RBL2: variants seen among roughly 807,000 people sequenced by gnomAD.
The protein encoded by RBL2 is retinoblastoma-like protein 2.
A neutral mutation model predicts 126.0 loss-of-function variants in RBL2; 56 were observed. The ratio of observed to expected loss-of-function variants is 0.44; its 90% CI spans 0.36 to 0.56. RBL2 has a LOEUF of 0.56. Among genes scored for constraint, RBL2 ranks in the 20% least tolerant of loss-of-function variants. The pLI is 0.00. For missense variants in RBL2, 1,229 were observed against 1,398.2 expected, an observed-to-expected ratio of 0.88 and a Z score of 1.93; for synonymous variants, 454 against 478.5, an observed-to-expected ratio of 0.95 and a Z score of 0.67.
rs16952254 is a variant in RBL2 at position 53,451,888 on chromosome 16, C to T, written c.766+57C>T. ...TCTGCGTTTCTGTGTTATGTTTACC[C>T]TTGGAGTTGTACAGGTTTCCTAGCA... is the stretch of plus-strand genomic sequence containing the variant. On this transcript the variant is annotated intron_variant, in intron 5 of 21. Transcript: ENST00000262133. The T allele has an allele frequency of 1.6e-3, 2,564 of 1,581,238 alleles. 34 individuals are homozygous for T. In the African/African-American group the frequency reaches 0.029, roughly 18 times the overall value.
intron 3 of RBL2, among the ~76,000 whole-genome samples, chr16:53,446,621 A>G (rs1219031566): frequency 2.0e-5 from 3 of 152,196 alleles, no homozygotes; most frequent in Non-Finnish European, 4.4e-5. Context: ...GTGATTTGAT[A>G]TAGTCTGGAA....
intron 21 of RBL2, among the ~76,000 whole-genome samples, chr16:53,485,400 C>T (rs1412589431): frequency 1.3e-5 from 2 of 152,002 alleles, no homozygotes; most frequent in Non-Finnish European, 2.9e-5. Flanking sequence ...TGGGATGTAG[C>T]TAAAACAGTG....
intron 1 of RBL2, among the ~76,000 whole-genome samples, chr16:53,435,390 A>C (rs563513409): frequency 1.3e-5 from 2 of 152,250 alleles, no homozygotes; most frequent in Non-Finnish European, 2.9e-5. Flanking sequence ...GGATGTAGAC[A>C]CATGCCCCCA....
In RBL2 at chr16:53,439,150, A is replaced by C; in HGVS notation, c.371+4A>C. 1.3e-6 allele frequency: 2 copies of C among 1,580,684 alleles called. No homozygotes were observed. Among genetic ancestry groups the C allele is most frequent in the Non-Finnish European group, 1.7e-6 (2 of 1,166,152 alleles). On this transcript the variant is annotated splice_donor_region_variant and intron_variant, in intron 2 of 21. Coordinates refer to ENST00000262133, the MANE Select transcript of RBL2 (RefSeq NM_005611.4). The stretch of plus-strand genomic sequence containing the variant: ...TCCTGAAATGTTCAGAGCAGAGGTA[A>C]CTATGTTAGAGTTTGACAAGTAGAG...
intron 8 of RBL2, among the ~76,000 whole-genome samples, chr16:53,459,111 T>A (rs2150801779): frequency 6.6e-6 from 1 of 152,338 alleles, no homozygotes; most frequent in African/African-American, 2.4e-5. Context: ...GTGAGCAGAA[T>A]GCTTATCTTT....
chr16:53,465,024 A>T (rs1199830311), intron 12 of RBL2: 1 of 153,252 alleles, frequency 6.5e-6, no homozygotes, highest in African/African-American at 2.4e-5. Context: ...CGATCTCCTG[A>T]CCTCGTGATC....
chr16:53,459,511 C>T lies in RBL2; in HGVS notation c.1240C>T (p.Pro414Ser), dbSNP rs751380870. The change falls in exon 9 of 22, where the codon CCT becomes TCT. Residue 414 changes from proline (P) to serine (S), a missense_variant. Around this residue, in one of 2 missense-constraint regions of RBL2, gnomAD observed 1,070 missense variants for 1,274.3 expected, o/e 0.84. Coordinates refer to ENST00000262133, the MANE Select transcript of RBL2 (RefSeq NM_005611.4). ...TGTTAGGTACATTAAGGAGAATAGC[C>T]CTTGTGTGACTCCAGTTTCTACAGC... ...TGVRYIKENS[P>S]CVTPVSTATH... is the part of the protein sequence containing the mutation. 6.2e-7 allele frequency: 1 copy of T among 1,613,124 alleles called. No homozygotes were observed. Among genetic ancestry groups the T allele is most frequent in the Non-Finnish European group, 8.5e-7 (1 of 1,179,606 alleles).
chr16:53,434,744 G>T lies in RBL2; in HGVS notation c.188G>T (p.Arg63Leu). Residue 63 changes from arginine to leucine, a missense_variant, in exon 1 of 22, where the codon CGG becomes CTG. This residue lies in a region of RBL2 where 159 missense variants were observed against 123.9 expected (regional missense o/e 1.28). Coordinates refer to ENST00000262133, the MANE Select transcript of RBL2 (RefSeq NM_005611.4). ...CSRLNMDEAA[R>L]AEAWDSYRSM... Reference sequence around the variant, plus strand: ...CGCCTCAACATGGACGAGGCGGCGCGGGCCGAGGCCTGGGACAGCTACCGC... The same window carrying T: ...CGCCTCAACATGGACGAGGCGGCGCTGGCCGAGGCCTGGGACAGCTACCGC... 1.3e-6 allele frequency: 2 copies of T among 1,545,178 alleles called. No individual in the cohort carries two copies. The highest frequency in any genetic ancestry group is 1.4e-5 in the African/African-American group (1 of 72,928).
intron 14 of RBL2, among the ~76,000 whole-genome samples, chr16:53,469,367 G>T (rs1255450689): frequency 6.6e-6 from 1 of 152,116 alleles, no homozygotes; most frequent in African/African-American, 2.4e-5. Flanking sequence ...TGTCCACCTT[G>T]CTTAAGAACA....
intron 16 of RBL2, 23 bp downstream of exon 16, chr16:53,470,686 A>G (rs372818831): frequency 1.9e-5 from 30 of 1,612,876 alleles, no homozygotes; most frequent in South Asian, 1.4e-4. Context: ...ATACCTTATC[A>G]GAGCATGAGC....
rs747295071 is a variant in RBL2, at chr16:53,434,528, C to T, written c.-29C>T. The stretch of plus-strand genomic sequence containing the variant: ...GCTGCGGGCCCGGGCCCTCACCTCA[C>T]CTGAGGTCCGGCCGCCCAGGGGTGC... On this transcript the variant is annotated 5_prime_UTR_variant, in exon 1 of 22. Transcript: ENST00000262133. The T allele has an allele frequency of 3.5e-6, 5 of 1,426,580 alleles. No homozygotes were observed. The highest frequency in any genetic ancestry group is 2.7e-5 in the Admixed American group (1 of 36,440). The allele number at this position is 1,426,580 out of a possible 1,614,324, so 88.4% of individuals were successfully genotyped here.
At chr16:53,469,843 A>C in intron 14 of RBL2, 73 bp from the exon 15 acceptor site, 55 of 1,443,244 alleles carry the variant, frequency 3.8e-5, no homozygotes, top group Non-Finnish European at 5.1e-5. Context: ...ATTTTTTAAC[A>C]TAAGAGCTTG....
intron 4 of RBL2, among the ~76,000 whole-genome samples, chr16:53,451,317 G>A (rs1246787406): frequency 2.0e-5 from 3 of 152,098 alleles, no homozygotes; most frequent in African/African-American, 7.2e-5. Context: ...ACCAGCCTGG[G>A]CAACATAGCA....
At chr16:53,471,056 G>A in intron 17 of RBL2, 134 bp downstream of exon 17, 1 of 884,464 alleles carries the variant, frequency 1.1e-6, no homozygotes, top group Admixed American at 2.9e-5. Flanking sequence ...ATGGGTCTTA[G>A]TATATTCACA....
At chr16:53,478,196 A>G (rs1333031764) in intron 17 of RBL2, among the ~76,000 whole-genome samples, 1 of 152,054 alleles carries the variant, frequency 6.6e-6, no homozygotes, top group Admixed American at 6.6e-5. Flanking sequence ...TTAGAAGTCA[A>G]ATTTTATTTT....
chr16:53,477,721 G>T (rs918454430), intron 17 of RBL2, among the ~76,000 whole-genome samples: 1 of 152,042 alleles, frequency 6.6e-6, no homozygotes, highest in African/African-American at 2.4e-5. Flanking sequence ...ATATGGCTTT[G>T]CTCCTGCCTA....
At chr16:53,447,581 C>A (rs2058074438) in intron 4 of RBL2, among the ~76,000 whole-genome samples, 1 of 151,966 alleles carries the variant, frequency 6.6e-6, no homozygotes, top group African/African-American at 2.4e-5. Flanking sequence ...CTCATTTAAC[C>A]TACCCAAGGT....
intron 21 of RBL2, among the ~76,000 whole-genome samples, chr16:53,486,752 T>G (rs1961191292): frequency 6.6e-6 from 1 of 152,156 alleles, no homozygotes; most frequent in African/African-American, 2.4e-5. Context: ...TGTTCAACAT[T>G]GTAACTGGGA....
chr16:53,450,373 T>G (rs1461457106), intron 4 of RBL2, among the ~76,000 whole-genome samples: 1 of 152,050 alleles, frequency 6.6e-6, no homozygotes, highest in East Asian at 1.9e-4. Context: ...CATGTACACT[T>G]GGGTAGGCGT....
Sources: allele counts gnomAD v4.1 joint callset (sites outside exome capture counted in the v4.1 genomes callset), GRCh38; gene constraint gnomAD v4.1.1; regional missense constraint gnomAD v4.1.1; transcripts MANE v1.5; gene names NCBI Gene and HGNC (gene_info 2026-07-23, HGNC 2026-07-21).